KIF13B: variants seen among roughly 807,000 people sequenced by gnomAD.
KIF13B encodes the protein kinesin-like protein KIF13B.
A neutral mutation model predicts 222.0 loss-of-function variants in KIF13B; 127 were observed. The ratio of observed to expected loss-of-function variants is 0.57; its 90% confidence interval spans 0.50 to 0.66. KIF13B has a LOEUF of 0.66. KIF13B is among the 30% of genes least tolerant of loss of function. The pLI, the probability that KIF13B is intolerant of heterozygous loss-of-function variation, is 0.00. For missense variants in KIF13B, 2,173 were observed against 2,379.0 expected (o/e 0.91, Z 1.80); for synonymous variants, 976 against 919.0 (o/e 1.06, Z -1.12).
chr8:29,199,952 A>G (rs184354827), intron 2 of KIF13B, among the ~76,000 whole-genome samples: 158 of 152,324 alleles, frequency 1.0e-3, no homozygotes, highest in African/African-American at 3.6e-3. Context: ...ATATATATTT[A>G]GTATGATATT....
chr8:29,102,817 G>C (rs925327827), intron 35 of KIF13B, among the ~76,000 whole-genome samples: 10 of 152,192 alleles, frequency 6.6e-5, no homozygotes, highest in African/African-American at 1.9e-4. Context: ...ATTCAATTCT[G>C]CTAACTGGGT....
At chr8:29,260,629 T>A (rs1158185176) in intron 1 of KIF13B, among the ~76,000 whole-genome samples, 2 of 151,626 alleles carry the variant, frequency 1.3e-5, no homozygotes, top group Non-Finnish European at 2.9e-5. Flanking sequence ...GTCTTTTTTT[T>A]TTTTGAGACA....
chr8:29,143,539 G>C (rs1810913894), intron 18 of KIF13B, among the ~76,000 whole-genome samples: 1 of 152,192 alleles, frequency 6.6e-6, no homozygotes, highest in Non-Finnish European at 1.5e-5. Context: ...ATGCCACTGA[G>C]TTATTCACTT....
intron 33 of KIF13B, among the ~76,000 whole-genome samples, 188 bp from the exon 34 acceptor site, chr8:29,109,699 C>T (rs1809264732): frequency 6.6e-6 from 1 of 152,204 alleles, no homozygotes; most frequent in African/African-American, 2.4e-5. Context: ...TAAATACATA[C>T]ATCTACTATG....
At chr8:29,160,979 T>C (rs1435710594) in intron 12 of KIF13B, 112 bp from the exon 13 acceptor site, 21 of 861,514 alleles carry the variant, frequency 2.4e-5, no homozygotes, top group Non-Finnish European at 3.6e-5. Flanking sequence ...TTCAAATACA[T>C]TCTCTTAGGC....
chr8:29,167,263 G>A (rs1186871411), intron 11 of KIF13B, 110 bp downstream of exon 11: 16 of 816,016 alleles, frequency 2.0e-5, no homozygotes, highest in Admixed American at 1.3e-4. Context: ...TAAGAAATTC[G>A]CAAATTTTAA....
At chr8:29,132,200 C>G (rs911186714) in intron 23 of KIF13B, 108 bp downstream of exon 23, 1 of 758,672 alleles carries the variant, frequency 1.3e-6, no homozygotes, top group East Asian at 3.2e-5. Context: ...GAGCCAAGAT[C>G]GTGCCACTGC....
In KIF13B at chr8:29,070,815, G is replaced by A. The variant is rs980354933; in HGVS notation, c.5219-49C>T. On this transcript the variant is annotated intron_variant, in intron 39 of 39. Transcript: ENST00000524189. The surrounding 1 kb of genome is among the most constrained non-coding windows in gnomAD (Gnocchi z 4.1). The stretch of plus-strand genomic sequence containing the variant: ...ATGGAGGGCAGCCGAGCTGCAGACG[G>A]CCCCCTGCACCTCCCTTACCTCTGC... The A allele has an allele frequency of 1.9e-6, 3 of 1,558,728 alleles. No individual in the cohort carries two copies. Among genetic ancestry groups the A allele is most frequent in the African/African-American group, 2.7e-5 (2 of 73,492 alleles).
chr8:29,240,746 T>C (rs534488770), intron 2 of KIF13B, among the ~76,000 whole-genome samples: 82 of 152,338 alleles, frequency 5.4e-4, no homozygotes, highest in South Asian at 8.3e-4. Context: ...TTTTTCATTG[T>C]AATCTGAATG....
chr8:29,143,258 G>A (rs561054260), intron 18 of KIF13B, among the ~76,000 whole-genome samples: 9 of 152,206 alleles, frequency 5.9e-5, no homozygotes, highest in African/African-American at 1.9e-4. Flanking sequence ...TGACCACAAC[G>A]TTATCAATGG....
chr8:29,168,643 G>A (rs1052849814), intron 10 of KIF13B, among the ~76,000 whole-genome samples: 1 of 152,206 alleles, frequency 6.6e-6, no homozygotes, highest in Non-Finnish European at 1.5e-5. Flanking sequence ...GCACGAGTTT[G>A]GAAGCAGATC....
intron 2 of KIF13B, among the ~76,000 whole-genome samples, chr8:29,233,494 T>C (rs1355867615): frequency 1.3e-5 from 2 of 152,254 alleles, no homozygotes; most frequent in South Asian, 4.1e-4. Flanking sequence ...GGAAAAATGT[T>C]ATAATGTTCT....
At chr8:29,215,319 T>C (rs764412202) in intron 2 of KIF13B, among the ~76,000 whole-genome samples, 37 of 152,194 alleles carry the variant, frequency 2.4e-4, no homozygotes, top group Non-Finnish European at 4.1e-4. Context: ...AGGGAGGCAA[T>C]AGGAACTGTC....
chr8:29,140,701 G>T, intron 19 of KIF13B, 84 bp from the exon 20 acceptor site: 2 of 1,223,944 alleles, frequency 1.6e-6, no homozygotes, highest in Non-Finnish European at 2.3e-6. Flanking sequence ...ATGCACTCTA[G>T]GTTATTAAAC....
intron 32 of KIF13B, 51 bp downstream of exon 32, chr8:29,113,412 G>T: frequency 9.0e-7 from 1 of 1,109,510 alleles, no homozygotes; most frequent in Non-Finnish European, 1.3e-6. Flanking sequence ...TCAGGGAGTT[G>T]GCTCTTTTTA....
At position 29,262,028 on chromosome 8, in the gene KIF13B, G is replaced by C. The variant is rs182656643; in HGVS notation, c.55+952C>G. 3.9e-4 allele frequency among the ~76,000 whole-genome samples: 59 copies of C among 152,276 alleles called. 1 individual carries two copies. The highest frequency in any genetic ancestry group is 1.1e-3 in the African/African-American group (45 of 41,554). On this transcript the variant is annotated intron_variant, in intron 1 of 39. Transcript: ENST00000524189. The stretch of plus-strand genomic sequence containing the variant: ...CTAATTAGTTCAAAGTCTCATCAAT[G>C]GCAAAGTCATCTCCTGAGACAGTAA...
At chr8:29,236,273 A>G (rs1449716254) in intron 2 of KIF13B, among the ~76,000 whole-genome samples, 4 of 152,218 alleles carry the variant, frequency 2.6e-5, no homozygotes, top group African/African-American at 2.4e-5. Flanking sequence ...ATAATAAAAG[A>G]TACATTAAAA....
rs1274061636 is a variant in KIF13B, at chr8:29,109,919, T to G, written c.4082A>C (p.Gln1361Pro). The change falls in exon 33 of 40, where the codon CAG (glutamine) becomes CCG (proline). Residue 1361 changes from glutamine (Q) to proline (P), a missense_variant and splice_region_variant. Around this residue, in one of 2 missense-constraint regions of KIF13B, gnomAD observed 1,480 missense variants for 1,722.8 expected, o/e 0.86. Transcript: ENST00000524189. ...GCCCTATCCATGCGGTTGGCTAACC[T>G]GGCGCAGACGATCTAAAGTCAGGAG... ...ENLLTLDRLR[Q>P]EVAVKEQLTG... The G allele has an allele frequency of 2.5e-6, 4 of 1,613,316 alleles. No homozygotes were observed.
intron 12 of KIF13B, among the ~76,000 whole-genome samples, chr8:29,162,146 C>T (rs1008468541): frequency 6.6e-6 from 1 of 152,020 alleles, no homozygotes; most frequent in Non-Finnish European, 1.5e-5. Flanking sequence ...AGGGTATCTT[C>T]GACTATGGGT....
Sources: gnomAD v4.1 joint callset for allele counts (sites outside exome capture counted in the v4.1 genomes callset) on GRCh38, gnomAD v4.1.1 for gene constraint, gnomAD v4.1.1 regional missense constraint, Gnocchi (gnomAD v3.1) non-coding constraint, MANE v1.5 for transcripts, NCBI Gene and HGNC (gene_info 2026-07-23, HGNC 2026-07-21) for gene names.